NRXN3: variants seen among roughly 807,000 people sequenced by gnomAD.
NRXN3 encodes neurexin III.
In NRXN3, 32 loss-of-function variants were observed where a neutral mutation model predicts 137.6. The observed-to-expected ratio is 0.23, with a 90% CI of 0.18 to 0.31. NRXN3 has a LOEUF of 0.31. Ranked by LOEUF, NRXN3 falls within the 10% of genes least tolerant of loss-of-function variation. NRXN3 has a pLI of 1.00. For synonymous variants in NRXN3, 798 were observed against 784.5 expected (o/e 1.02, Z -0.29); for missense variants, 1,574 against 2,062.5 (o/e 0.76, Z 4.59).
At chr14:79,091,314 G>A (rs985032881) in intron 15 of NRXN3, among the ~76,000 whole-genome samples, 23 of 152,124 alleles carry the variant, frequency 1.5e-4, no homozygotes, top group African/African-American at 5.3e-4. Flanking sequence ...TAAGAAATTT[G>A]CATTGATCTA....
At chr14:78,653,209 G>A (rs1292096045) in intron 6 of NRXN3, among the ~76,000 whole-genome samples, 3 of 152,144 alleles carry the variant, frequency 2.0e-5, no homozygotes, top group African/African-American at 7.2e-5. Flanking sequence ...AGATTTCATC[G>A]TCATTTCTGA....
chr14:79,697,702 A>G lies in NRXN3; in HGVS notation c.3779A>G (p.Gln1260Arg). The change falls in exon 19 of 21, where the codon CAA becomes CGA. Residue 1260 changes from glutamine (Q) to arginine (R), a missense_variant. Physicochemically the swap from Gln to Arg is conservative, Grantham distance 43. Around this residue, in one of 5 missense-constraint regions of NRXN3, gnomAD observed 133 missense variants for 241.8 expected, o/e 0.55. Transcript: ENST00000335750. ...GGAAAGGACAAAGGACGCCTCTTCC[A>G]AGGCCAACTCTCTGGGCTCTATTAT... ...IGGKDKGRLF[Q>R]GQLSGLYYDG... is the part of the protein sequence containing the mutation. The G allele has an allele frequency of 6.2e-7, 1 of 1,613,114 alleles. No individual in the cohort carries two copies.
rs190107663 is a variant in NRXN3, at chr14:78,897,614, C to T, written c.2276-59628C>T. On this transcript the variant is annotated intron_variant, in intron 10 of 20. Transcript: ENST00000335750. ...GACTCTGGCCATGGCACTTCTCAAA[C>T]GTTTTTGGCAGTCCTATTTCTATTT... is the stretch of plus-strand genomic sequence containing the variant. Among the ~76,000 whole-genome samples, 48 of 151,956 alleles carry T rather than the reference C, an allele frequency of 3.2e-4. No homozygotes were observed. The East Asian group carries it at 7.6e-3, about 24-fold the overall frequency.
In NRXN3 at chr14:79,715,614, T is replaced by C. The variant is rs9323676; in HGVS notation, c.4014+17677T>C. ...ACAGATCTGGATAGAGTTAAAAAGA[T>C]AATAAAGCAAGTGTAGGATGCCTGT... On this transcript the variant is annotated intron_variant, in intron 19 of 20. Coordinates refer to ENST00000335750, the MANE Select transcript of NRXN3 (RefSeq NM_001330195.2). Among the ~76,000 whole-genome samples the C allele has an allele frequency of 9.1e-3, 1,393 of 152,332 alleles. 14 individuals carry two copies. The highest frequency in any genetic ancestry group is 0.032 in the African/African-American group (1,338 of 41,572).
chr14:79,388,529 C>T (rs1279294932), intron 15 of NRXN3, among the ~76,000 whole-genome samples: 1 of 152,092 alleles, frequency 6.6e-6, no homozygotes, highest in Non-Finnish European at 1.5e-5. Context: ...ACAGTTCTTT[C>T]AGAGGATTTC....
chr14:79,306,640 T>A (rs1292428775), intron 15 of NRXN3, among the ~76,000 whole-genome samples: 1 of 152,122 alleles, frequency 6.6e-6, no homozygotes, highest in African/African-American at 2.4e-5. Flanking sequence ...TCACAGCCCC[T>A]GCTGCCTGCT....
chr14:79,024,292 T>C (rs1037055367), intron 15 of NRXN3, among the ~76,000 whole-genome samples: 15 of 152,210 alleles, frequency 9.9e-5, no homozygotes, highest in African/African-American at 3.6e-4. Flanking sequence ...TCTCTCTTTT[T>C]TTCTTCTCAC....
intron 4 of NRXN3, among the ~76,000 whole-genome samples, chr14:78,427,407 G>T (rs1478708380): frequency 6.6e-6 from 1 of 152,136 alleles, no homozygotes; most frequent in Non-Finnish European, 1.5e-5. Context: ...AGGTAAAGCT[G>T]GTTGGAGGAC....
intron 15 of NRXN3, among the ~76,000 whole-genome samples, chr14:79,359,494 T>C (rs1241182965): frequency 6.6e-6 from 1 of 152,098 alleles, no homozygotes; most frequent in African/African-American, 2.4e-5. Flanking sequence ...ACATATAATG[T>C]AGGTTTTTCT....
intron 15 of NRXN3, among the ~76,000 whole-genome samples, chr14:79,106,143 T>C (rs1387359526): frequency 6.6e-6 from 1 of 152,086 alleles, no homozygotes; most frequent in Non-Finnish European, 1.5e-5. Flanking sequence ...TTCAGTATGG[T>C]AGCATAGACT....
intron 15 of NRXN3, among the ~76,000 whole-genome samples, chr14:79,344,046 G>A (rs1487793502): frequency 2.6e-5 from 4 of 152,154 alleles, no homozygotes; most frequent in Admixed American, 2.6e-4. Flanking sequence ...AAAATTCTGG[G>A]AAGAGAGGTA....
At chr14:79,517,896 C>CT (rs34241975) in intron 16 of NRXN3, among the ~76,000 whole-genome samples, 1,454 of 73,364 alleles carry the variant, frequency 0.02, 304 homozygotes, top group African/African-American at 0.042. Flanking sequence ...CCTGACTTTC[C>CT]TTTTTTTTTT....
At chr14:78,515,660 A>G (rs1173005854) in intron 4 of NRXN3, among the ~76,000 whole-genome samples, 1 of 152,106 alleles carries the variant, frequency 6.6e-6, no homozygotes, top group Non-Finnish European at 1.5e-5. Context: ...CAATAGAGGA[A>G]AAATACTGTC....
intron 2 of NRXN3, among the ~76,000 whole-genome samples, chr14:78,267,371 TG>T (rs2071933669): frequency 6.6e-6 from 1 of 152,100 alleles, no homozygotes; most frequent in Non-Finnish European, 1.5e-5. Context: ...CATCTGCCCA[TG>T]GGCCCATATG....
At chr14:78,506,660 T>C in intron 4 of NRXN3, among the ~76,000 whole-genome samples, 1 of 50,212 alleles carries the variant, frequency 2.0e-5, no homozygotes, top group South Asian at 8.0e-4. Context: ...TTTTTTTTTT[T>C]TTTTTTTTTT....
rs985008528 is a variant in NRXN3 at position 78,734,583 on chromosome 14, A to G, written c.2044+19444A>G. 3.3e-5 allele frequency among the ~76,000 whole-genome samples: 5 copies of G among 152,226 alleles called. No individual in the cohort carries two copies. In the East Asian group the frequency reaches 9.6e-4, roughly 29 times the overall value. On this transcript the variant is annotated intron_variant, in intron 8 of 20. Transcript: ENST00000335750. ...CATTTACCAAGTAATCAACAACTAAACATGCAATTTCAAACTTTTGAACTT... is the reference window on the plus strand; with the variant it reads ...CATTTACCAAGTAATCAACAACTAAGCATGCAATTTCAAACTTTTGAACTT...
At chr14:78,464,005 A>AT (rs1380153602) in intron 4 of NRXN3, among the ~76,000 whole-genome samples, 2 of 151,236 alleles carry the variant, frequency 1.3e-5, no homozygotes, top group African/African-American at 4.9e-5. Context: ...CTATTTATAT[A>AT]TTTTTTAAAC....
rs8020744 is a variant in NRXN3, at chr14:78,642,006, T to G, written c.758-3114T>G. Among the ~76,000 whole-genome samples the G allele has an allele frequency of 3.9e-3, 593 of 152,328 alleles. 5 individuals carry two copies. The highest frequency in any genetic ancestry group is 0.013 in the African/African-American group (543 of 41,582). Reference sequence around the variant, plus strand: ...TAAGGGCTGAAAGGGAAACATTTCTTTTGGTGAATGAGTGATTCATGTAAG... The same window carrying G: ...TAAGGGCTGAAAGGGAAACATTTCTGTTGGTGAATGAGTGATTCATGTAAG... On this transcript the variant is annotated intron_variant, in intron 4 of 20. Coordinates refer to ENST00000335750, the MANE Select transcript of NRXN3 (RefSeq NM_001330195.2).
rs1365452579 is a variant in NRXN3 at position 79,641,184 on chromosome 14, A to AT, written c.3445-22589dup. Among the ~76,000 whole-genome samples, 5 of 133,452 alleles carry AT rather than the reference A, an allele frequency of 3.7e-5. 1 individual carries two copies. Among genetic ancestry groups the AT allele is most frequent in the Admixed American group, 2.4e-4 (3 of 12,442 alleles). 87.5% of individuals were successfully genotyped at this position (133,452 alleles called of 152,430 possible). ...CACCTCGCCTGGCTAATTCTTCTGT[A>AT]TTTTTAGTAGAGATTGAGTTTCACC... On this transcript the variant is annotated intron_variant, in intron 16 of 20. Transcript: ENST00000335750.
Sources: gnomAD v4.1 joint callset for allele counts (sites outside exome capture counted in the v4.1 genomes callset) on GRCh38, gnomAD v4.1.1 for gene constraint, gnomAD v4.1.1 regional missense constraint, MANE v1.5 for transcripts, NCBI Gene and HGNC (gene_info 2026-07-23, HGNC 2026-07-21) for gene names.